UGT1A3: variants seen among roughly 807,000 people sequenced by gnomAD.
UGT1A3 encodes UDP-glucuronosyltransferase 1A3.
UGT1A3 carries 31 observed loss-of-function variants against 41.0 expected under a neutral mutation model. That is an observed-to-expected ratio of 0.76 (90% CI 0.57 to 1.02). The LOEUF (loss-of-function observed/expected upper bound fraction) is 1.02, where lower values mean the gene tolerates loss of function less well. Ranked by LOEUF, UGT1A3 falls within the 50% of genes least tolerant of loss-of-function variation. UGT1A3 has a pLI of 0.00. For missense variants in UGT1A3, 737 were observed against 671.0 expected, an observed-to-expected ratio of 1.10 and a Z score of -1.09; for synonymous variants, 262 against 257.6, an observed-to-expected ratio of 1.02 and a Z score of -0.17.
chr2:233,735,501 C>A (rs1331221711), intron 1 of UGT1A3, among the ~76,000 whole-genome samples: 1 of 152,100 alleles, frequency 6.6e-6, no homozygotes, highest in African/African-American at 2.4e-5. Flanking sequence ...CAGCATTTAG[C>A]CCATTTACAT....
At chr2:233,765,331 C>T (rs770638487) in intron 1 of UGT1A3, among the ~76,000 whole-genome samples, 13 of 152,154 alleles carry the variant, frequency 8.5e-5, no homozygotes, top group Admixed American at 2.6e-4. Context: ...GCACTATTCA[C>T]AATAACAAAG....
At chr2:233,761,193 A>G (rs764178788) in intron 1 of UGT1A3, 2 of 1,614,148 alleles carry the variant, frequency 1.2e-6, no homozygotes, top group Non-Finnish European at 8.5e-7. Context: ...ATATTCTTTC[A>G]GATGTATTAC....
rs1393743923 is a variant in UGT1A3, at chr2:233,745,878, T to C, written c.867+15885T>C. 2.0e-5 allele frequency among the ~76,000 whole-genome samples: 3 copies of C among 150,678 alleles called. 1 individual carries two copies. Among genetic ancestry groups the C allele is most frequent in the African/African-American group, 7.4e-5 (3 of 40,514 alleles). On this transcript the variant is annotated intron_variant, in intron 1 of 4. Transcript: ENST00000482026. ...AAGCTGCTGACCAAGGTTCCAGAAGTGTTGGTGGGGTGGCGTTTTTCAGGG... is the reference window on the plus strand; with the variant it reads ...AAGCTGCTGACCAAGGTTCCAGAAGCGTTGGTGGGGTGGCGTTTTTCAGGG...
chr2:233,760,032 T>C (rs1193675988), intron 1 of UGT1A3, among the ~76,000 whole-genome samples: 1 of 152,208 alleles, frequency 6.6e-6, no homozygotes, highest in Non-Finnish European at 1.5e-5. Context: ...GTTCTGGAAG[T>C]ACTTTGCTGT....
chr2:233,771,260 CT>C (rs891018282), intron 4 of UGT1A3: 2 of 151,568 alleles, frequency 1.3e-5, no homozygotes, highest in Non-Finnish European at 1.5e-5. Context: ...ATAGGAGTGC[CT>C]TTTTTTTTCT....
intron 1 of UGT1A3, among the ~76,000 whole-genome samples, chr2:233,766,742 G>T (rs1249550835): frequency 6.6e-6 from 1 of 152,146 alleles, no homozygotes; most frequent in African/African-American, 2.4e-5. Context: ...GTATGTACAG[G>T]TGTGTGCATG....
At chr2:233,749,107 C>T (rs2125896789) in intron 1 of UGT1A3, among the ~76,000 whole-genome samples, 1 of 151,856 alleles carries the variant, frequency 6.6e-6, no homozygotes, top group Non-Finnish European at 1.5e-5. Flanking sequence ...GAGAATTCAG[C>T]CTTTTTATGT....
At chr2:233,743,759 T>C in intron 1 of UGT1A3, 7 of 1,367,366 alleles carry the variant, frequency 5.1e-6, no homozygotes, top group South Asian at 4.5e-5. Flanking sequence ...CAACACCTCG[T>C]AGGCCTCGGC....
rs199723856 is a variant in UGT1A3, at chr2:233,772,452, G to C, written c.1498G>C (p.Val500Leu). Residue 500 changes from valine (V) to leucine (L), a missense_variant, in exon 5 of 5, where the codon GTG (valine) becomes CTG (leucine). By Grantham distance (32) the Val-to-Leu change is conservative. Coordinates refer to ENST00000482026, the MANE Select transcript of UGT1A3 (RefSeq NM_019093.4). ...LDVIGFLLAV[V>L]LTVAFITFKC... Reference sequence around the variant, plus strand: ...CGTGATTGGTTTCCTCTTGGCCGTCGTGCTGACAGTGGCCTTCATCACCTT... The same window carrying C: ...CGTGATTGGTTTCCTCTTGGCCGTCCTGCTGACAGTGGCCTTCATCACCTT... 6.2e-7 allele frequency: 1 copy of C among 1,614,176 alleles called. No homozygotes were observed. Among genetic ancestry groups the C allele is most frequent in the Non-Finnish European group, 8.5e-7 (1 of 1,180,044 alleles).
chr2:233,739,804 C>T (rs901133058), intron 1 of UGT1A3, among the ~76,000 whole-genome samples: 1 of 152,002 alleles, frequency 6.6e-6, no homozygotes, highest in Non-Finnish European at 1.5e-5. Flanking sequence ...GTTGGGAAGG[C>T]ATGATTGGTT....
chr2:233,730,592 G>C (rs1017666778), intron 1 of UGT1A3, among the ~76,000 whole-genome samples: 3 of 152,138 alleles, frequency 2.0e-5, no homozygotes, highest in African/African-American at 7.2e-5. Flanking sequence ...ACAGGGATCT[G>C]TGCTGTCAAG....
chr2:233,747,449 C>G (rs1200553651), intron 1 of UGT1A3: 3 of 1,608,916 alleles, frequency 1.9e-6, no homozygotes, highest in Non-Finnish European at 2.6e-6. Flanking sequence ...CCCTGACAAC[C>G]TATGCCATTT....
intron 1 of UGT1A3, among the ~76,000 whole-genome samples, chr2:233,751,332 T>C (rs1042149461): frequency 1.3e-5 from 2 of 152,004 alleles, no homozygotes; most frequent in African/African-American, 4.8e-5. Flanking sequence ...CCATTGTGTC[T>C]TGGAAGTTAC....
chr2:233,767,291 C>T (rs1383202700), intron 2 of UGT1A3, 126 bp downstream of exon 2: 1 of 1,553,770 alleles, frequency 6.4e-7, no homozygotes, highest in African/African-American at 1.4e-5. Context: ...CACTTCCCAA[C>T]TATTAATCCA....
intron 1 of UGT1A3, among the ~76,000 whole-genome samples, chr2:233,735,045 C>G (rs2078601106): frequency 6.6e-6 from 1 of 152,170 alleles, no homozygotes; most frequent in Non-Finnish European, 1.5e-5. Flanking sequence ...TGGTGCAGAG[C>G]TGAGTTCAGG....
At chr2:233,736,939 G>A (rs2078828567) in intron 1 of UGT1A3, among the ~76,000 whole-genome samples, 1 of 152,164 alleles carries the variant, frequency 6.6e-6, no homozygotes. Context: ...CCACCTATAT[G>A]AGGTGTCTGT....
At chr2:233,748,082 C>A (rs1013967791) in intron 1 of UGT1A3, 6 of 1,612,924 alleles carry the variant, frequency 3.7e-6, no homozygotes, top group Non-Finnish European at 5.1e-6. Context: ...TATCTCAGGT[C>A]GGTGTTCGTG....
At chr2:233,743,431 C>T (rs755334550) in intron 1 of UGT1A3, 17 of 1,354,320 alleles carry the variant, frequency 1.3e-5, no homozygotes, top group African/African-American at 1.5e-5. Context: ...GCCAAAGGAA[C>T]GAAATCCTGT....
In UGT1A3 at chr2:233,729,609, G is replaced by A. The variant is rs745477342; in HGVS notation, c.483G>A (p.Leu161=). The A allele has an allele frequency of 6.2e-7, 1 of 1,613,988 alleles. No homozygotes were observed. Among genetic ancestry groups the A allele is most frequent in the South Asian group, 1.1e-5 (1 of 91,068 alleles). Residue 161 remains leucine (L), a synonymous_variant, in exon 1 of 5, where the codon CTG becomes CTA. Transcript: ENST00000482026. ...CCGTTAACCTCTGCGCGGCAGTGCT[G>A]GCTAAGTACCTGTCGATTCCTACTG... ...TDPVNLCAAV[L]AKYLSIPTVF... is the part of the protein sequence containing the mutation.
Sources: gnomAD v4.1 joint callset for allele counts (sites outside exome capture counted in the v4.1 genomes callset) on GRCh38, gnomAD v4.1.1 for gene constraint, MANE v1.5 for transcripts, NCBI Gene and HGNC (gene_info 2026-07-23, HGNC 2026-07-21) for gene names.